BBS4: variants seen among roughly 807,000 people sequenced by gnomAD.
The protein encoded by BBS4 is Bardet-Biedl syndrome 4.
A neutral mutation model predicts 71.4 loss-of-function variants in BBS4; 58 were observed. The ratio of observed to expected loss-of-function variants is 0.81; its 90% CI spans 0.66 to 1.01. The LOEUF (loss-of-function observed/expected upper bound fraction) is 1.01. Ranked by LOEUF, BBS4 falls within the 50% of genes least tolerant of loss-of-function variation. The pLI, the probability that BBS4 is intolerant of heterozygous loss-of-function variation, is 0.00. For synonymous variants in BBS4, 228 were observed against 216.8 expected, an observed-to-expected ratio of 1.05 and a Z score of -0.46; for missense variants, 660 against 607.9, an observed-to-expected ratio of 1.09 and a Z score of -0.90.
intron 9 of BBS4, 104 bp downstream of exon 9, chr15:72,728,098 C>T: frequency 1.2e-6 from 1 of 809,762 alleles, no homozygotes; most frequent in Non-Finnish European, 2.1e-6. Context: ...TATTAAAGGT[C>T]ATATAAAGTT....
chr15:72,723,211 C>A (rs1274158073), intron 7 of BBS4, among the ~76,000 whole-genome samples: 1 of 152,160 alleles, frequency 6.6e-6, no homozygotes, highest in Non-Finnish European at 1.5e-5. Context: ...GAGCTATCTC[C>A]ATGCCCTGAC....
intron 13 of BBS4, 56 bp downstream of exon 13, chr15:72,735,238 G>A: frequency 7.3e-7 from 1 of 1,378,534 alleles, no homozygotes; most frequent in Non-Finnish European, 1.0e-6. Context: ...AAAGCCATGA[G>A]GTGGTGCCAT....
In BBS4 at chr15:72,709,920, A is replaced by G. The variant is rs865916582; in HGVS notation, c.156+141A>G. 9.5e-6 allele frequency: 7 copies of G among 739,298 alleles called. No homozygotes were observed. In the Admixed American group the frequency reaches 1.3e-4, roughly 13 times the overall value. 45.8% of individuals were successfully genotyped at this position (739,298 alleles called of 1,614,324 possible). On this transcript the variant is annotated intron_variant, in intron 3 of 15. Transcript: ENST00000268057. ...CTTCCCCATACTTCATACACTGGTT[A>G]TCTTTTGCTATGGTAGTGATGTTTA... is the stretch of plus-strand genomic sequence containing the variant.
intron 2 of BBS4, among the ~76,000 whole-genome samples, chr15:72,699,111 C>T (rs1018033248): frequency 6.6e-6 from 1 of 152,040 alleles, no homozygotes; most frequent in Non-Finnish European, 1.5e-5. Flanking sequence ...GGCTTTTGCT[C>T]CACCGCTCCA....
intron 2 of BBS4, among the ~76,000 whole-genome samples, chr15:72,703,057 C>T (rs1246584009): frequency 1.3e-5 from 2 of 151,566 alleles, no homozygotes; most frequent in Non-Finnish European, 2.9e-5. Flanking sequence ...GTGATCCGCC[C>T]GCCTCGGCCT....
At chr15:72,710,375 T>C (rs1338256239) in intron 3 of BBS4, among the ~76,000 whole-genome samples, 1 of 151,780 alleles carries the variant, frequency 6.6e-6, no homozygotes, top group Non-Finnish European at 1.5e-5. Flanking sequence ...TAATTTTTTG[T>C]ATTTTTAGTA....
Position 72,722,860 on chromosome 15 carries a change from A to G in BBS4, c.459+13A>G. Reference sequence around the variant, plus strand: ...GCAGTTCAACAAGGTAATTTATAGAAGTGGTGATAGATTTCACTGAGGGTG... The same window carrying G: ...GCAGTTCAACAAGGTAATTTATAGAGGTGGTGATAGATTTCACTGAGGGTG... On this transcript the variant is annotated intron_variant, in intron 7 of 15. Coordinates refer to ENST00000268057, the MANE Select transcript of BBS4 (RefSeq NM_033028.5). The G allele has an allele frequency of 6.2e-7, 1 of 1,610,412 alleles. No homozygotes were observed. Among genetic ancestry groups the G allele is most frequent in the South Asian group, 1.1e-5 (1 of 90,992 alleles).
At chr15:72,731,782 G>T in intron 12 of BBS4, 56 bp downstream of exon 12, 3 of 1,600,498 alleles carry the variant, frequency 1.9e-6, no homozygotes, top group Non-Finnish European at 2.6e-6. Context: ...GGGAAAAATG[G>T]ATTAGAATCA....
chr15:72,710,175 G>A (rs2065340040), intron 3 of BBS4, among the ~76,000 whole-genome samples: 1 of 134,470 alleles, frequency 7.4e-6, no homozygotes, highest in Non-Finnish European at 1.6e-5. Flanking sequence ...TTGGATAGAT[G>A]AAAAATGGTA....
At chr15:72,712,044 T>A (rs1027230189) in intron 3 of BBS4, among the ~76,000 whole-genome samples, 200 bp from the exon 4 acceptor site, 1 of 152,090 alleles carries the variant, frequency 6.6e-6, no homozygotes, top group African/African-American at 2.4e-5. Context: ...AATTTTTGTA[T>A]TTTTAGTAGA....
intron 2 of BBS4, among the ~76,000 whole-genome samples, chr15:72,705,011 A>G (rs896083489): frequency 6.6e-5 from 10 of 152,226 alleles, no homozygotes; most frequent in Non-Finnish European, 1.3e-4. Context: ...AGGTAATACG[A>G]TACAACTCTA....
At chr15:72,721,333 G>T (rs149325198) in intron 6 of BBS4, among the ~76,000 whole-genome samples, 59 of 152,280 alleles carry the variant, frequency 3.9e-4, no homozygotes, top group African/African-American at 1.3e-3. Flanking sequence ...TGGATAAAAC[G>T]TTGGGCTGTT....
chr15:72,731,840 G>C, intron 12 of BBS4, 114 bp downstream of exon 12: 1 of 1,315,216 alleles, frequency 7.6e-7, no homozygotes, highest in Non-Finnish European at 1.1e-6. Context: ...TAGAGATCCT[G>C]TAGGAATCTG....
At chr15:72,731,793 TAGA>T (rs2065830710) in intron 12 of BBS4, 67 bp downstream of exon 12, 7 of 1,588,186 alleles carry the variant, frequency 4.4e-6, no homozygotes, top group Admixed American at 1.7e-5. Context: ...ATTAGAATCA[TAGA>T]AGATCAGTGG....
intron 1 of BBS4, among the ~76,000 whole-genome samples, chr15:72,688,562 C>T (rs557601324): frequency 5.3e-5 from 8 of 152,090 alleles, no homozygotes; most frequent in Admixed American, 4.6e-4. Flanking sequence ...TACAGGCCCT[C>T]ACCACCATGC....
intron 1 of BBS4, among the ~76,000 whole-genome samples, chr15:72,690,182 A>G (rs1382963475): frequency 1.3e-5 from 2 of 152,198 alleles, no homozygotes; most frequent in African/African-American, 4.8e-5. Flanking sequence ...TGTAAATTGA[A>G]GGATTAAACT....
rs542946835 is a variant in BBS4 at position 72,716,388 on chromosome 15, A to G, written c.333-390A>G. Among the ~76,000 whole-genome samples, 11 of 152,340 alleles carry G rather than the reference A, an allele frequency of 7.2e-5. No individual in the cohort carries two copies. In the East Asian group the frequency reaches 2.1e-3, roughly 29 times the overall value. Reference sequence around the variant, plus strand: ...CTAAACTCAGGATCCAATATCAAGGAAAGAGACTTAGTCTTGGAAGGAAAG... The same window carrying G: ...CTAAACTCAGGATCCAATATCAAGGGAAGAGACTTAGTCTTGGAAGGAAAG... On this transcript the variant is annotated intron_variant, in intron 5 of 15. Coordinates refer to ENST00000268057, the MANE Select transcript of BBS4 (RefSeq NM_033028.5).
rs182928346 is a variant in BBS4, at chr15:72,717,037, T to C, written c.405+187T>C. 5 of 602,488 alleles carry C rather than the reference T, an allele frequency of 8.3e-6. No homozygotes were observed. In the Admixed American group the frequency reaches 1.5e-4, roughly 18 times the overall value. The allele number at this position is 602,488 out of a possible 1,614,324, so 37.3% of individuals were successfully genotyped here. ...TTCCTCATAACTTTGCAGGCATTGCTGCATGATTTTCTAGCAGTTTGCTGA... is the reference window on the plus strand; with the variant it reads ...TTCCTCATAACTTTGCAGGCATTGCCGCATGATTTTCTAGCAGTTTGCTGA... On this transcript the variant is annotated intron_variant, in intron 6 of 15. Transcript: ENST00000268057.
At chr15:72,709,554 G>T in intron 2 of BBS4, 146 bp from the exon 3 acceptor site, 2 of 659,492 alleles carry the variant, frequency 3.0e-6, no homozygotes, top group Non-Finnish European at 5.4e-6. Flanking sequence ...AATTTTTGAT[G>T]CACTATAATA....
Sources: allele counts gnomAD v4.1 joint callset (sites outside exome capture counted in the v4.1 genomes callset), GRCh38; gene constraint gnomAD v4.1.1; transcripts MANE v1.5; gene names NCBI Gene and HGNC (gene_info 2026-07-23, HGNC 2026-07-21).